TSPO: variants seen among roughly 807,000 people sequenced by gnomAD.
TSPO encodes the protein translocator protein, also known as benzodiazepine peripheral binding site.
A neutral mutation model predicts 13.9 loss-of-function variants in TSPO; 14 were observed. The observed-to-expected ratio is 1.01, with a 90% CI of 0.67 to 1.58. The LOEUF (loss-of-function observed/expected upper bound fraction) is 1.58, where lower values mean the gene tolerates loss of function less well. Ranked by LOEUF, TSPO falls within the 40% of genes most tolerant of loss-of-function variation. The pLI, the probability that TSPO is intolerant of heterozygous loss-of-function variation, is 0.00. For synonymous variants in TSPO, 114 were observed against 105.9 expected, an observed-to-expected ratio of 1.08 and a Z score of -0.47; for missense variants, 232 against 229.6, an observed-to-expected ratio of 1.01 and a Z score of -0.07.
chr22:43,159,346 C>T lies in TSPO; in HGVS notation c.108C>T (p.Gly36=), dbSNP rs1264749375. 10 of 1,547,380 alleles carry T rather than the reference C, an allele frequency of 6.5e-6. No homozygotes were observed. Among genetic ancestry groups the T allele is most frequent in the Non-Finnish European group, 8.7e-6 (10 of 1,146,300 alleles). Residue 36 remains glycine (G), a synonymous_variant, in exon 2 of 4, where the codon GGC becomes GGT. Transcript: ENST00000337554. The part of the protein sequence containing the change: ...VHGEGLRWYA[G]LQKPSWHPPH... ...GCGAGGGTCTCCGCTGGTACGCCGGCCTGCAGAAGCCCTCGTGGCACCCGC... is the reference window on the plus strand; with the variant it reads ...GCGAGGGTCTCCGCTGGTACGCCGGTCTGCAGAAGCCCTCGTGGCACCCGC...
chr22:43,162,820 G>A lies in TSPO; in HGVS notation c.339G>A (p.Leu113=), dbSNP rs759540587. The change falls in exon 4 of 4, where the codon CTG becomes CTA. Residue 113 remains leucine (L), a synonymous_variant. Coordinates refer to ENST00000337554, the MANE Select transcript of TSPO (RefSeq NM_000714.6). ...RQMGWALVDL[L]LVSGAAAATT... Reference sequence around the variant, plus strand: ...CTCTGCAGGCCTTGGTGGATCTCCTGCTGGTCAGTGGGGCGGCGGCAGCCA... The same window carrying A: ...CTCTGCAGGCCTTGGTGGATCTCCTACTGGTCAGTGGGGCGGCGGCAGCCA... The A allele has an allele frequency of 6.3e-7, 1 of 1,586,286 alleles. No individual in the cohort carries two copies. The highest frequency in any genetic ancestry group is 1.8e-5 in the Admixed American group (1 of 56,408).
At chr22:43,155,066 G>GA (rs1265010931) in intron 1 of TSPO, among the ~76,000 whole-genome samples, 7 of 152,252 alleles carry the variant, frequency 4.6e-5, no homozygotes, top group African/African-American at 1.7e-4. Flanking sequence ...CACAACTCCT[G>GA]GCAAGTGGTC....
At chr22:43,154,677 A>T (rs1377524526) in intron 1 of TSPO, among the ~76,000 whole-genome samples, 2 of 151,980 alleles carry the variant, frequency 1.3e-5, no homozygotes, top group African/African-American at 2.4e-5. Flanking sequence ...ACCTATAGGG[A>T]GGTCTCCAAG....
At position 43,162,899 on chromosome 22, in the gene TSPO, T is replaced by C; in HGVS notation, c.418T>C (p.Tyr140His). ...GCTGGCCGCCCGCCTGCTCTACCCC[T>C]ACCTGGCCTGGCTGGCCTTCACGAC... is the stretch of plus-strand genomic sequence containing the variant. ...SPLAARLLYPYLAWLAFTTTL... is the reference protein window; with the variant it reads ...SPLAARLLYPHLAWLAFTTTL... The change falls in exon 4 of 4, where the codon TAC becomes CAC. Residue 140 changes from tyrosine (Y) to histidine (H), a missense_variant. Transcript: ENST00000337554. 1 of 1,588,666 alleles carries C rather than the reference T, an allele frequency of 6.3e-7. No individual in the cohort carries two copies. The highest frequency in any genetic ancestry group is 2.3e-5 in the East Asian group (1 of 43,468).
chr22:43,152,582 G>A (rs973757923), intron 1 of TSPO, among the ~76,000 whole-genome samples: 1 of 152,264 alleles, frequency 6.6e-6, no homozygotes, highest in East Asian at 1.9e-4. Flanking sequence ...GGTTTCCACT[G>A]GCGGTGAAAG....
chr22:43,151,680 G>A (rs1311730935), intron 1 of TSPO, 76 bp downstream of exon 1: 1 of 152,358 alleles, frequency 6.6e-6, no homozygotes, highest in Non-Finnish European at 1.5e-5. Flanking sequence ...CAGCGCCGCG[G>A]GACAGAGGGA....
chr22:43,161,939 C>T (rs951652778), intron 3 of TSPO, among the ~76,000 whole-genome samples: 3 of 151,862 alleles, frequency 2.0e-5, no homozygotes, highest in Middle Eastern at 3.4e-3. Context: ...CTCCAGGTCA[C>T]GTCACTGTGC....
chr22:43,162,607 C>A (rs1393511611), intron 3 of TSPO, among the ~76,000 whole-genome samples, 196 bp from the exon 4 acceptor site: 1 of 152,210 alleles, frequency 6.6e-6, no homozygotes, highest in Non-Finnish European at 1.5e-5. Flanking sequence ...GGTCAGGTGG[C>A]ATGACTGTTC....
intron 1 of TSPO, among the ~76,000 whole-genome samples, chr22:43,154,827 G>C (rs557263615): frequency 4.6e-5 from 7 of 152,256 alleles, no homozygotes; most frequent in African/African-American, 1.7e-4. Flanking sequence ...AAGACCTGGA[G>C]ACCCTGGGTC....
At chr22:43,159,166 A>G (rs1931348027) in intron 1 of TSPO, 44 bp from the exon 2 acceptor site, 4 of 1,403,882 alleles carry the variant, frequency 2.8e-6, no homozygotes, top group African/African-American at 1.5e-5. Context: ...GCCTGACCCC[A>G]TGGCCTCAGG....
At chr22:43,156,492 G>T (rs9333323) in intron 1 of TSPO, among the ~76,000 whole-genome samples, 2,839 of 149,982 alleles carry the variant, frequency 0.019, 94 homozygotes, top group African/African-American at 0.066. Flanking sequence ...CAAATGTCCA[G>T]GATGGGCAAG....
chr22:43,160,066 C>G (rs1207026108), intron 2 of TSPO, among the ~76,000 whole-genome samples: 3 of 152,210 alleles, frequency 2.0e-5, no homozygotes. Context: ...GGTGGGGACG[C>G]AGGTGCCAGG....
chr22:43,162,763 G>T, intron 3 of TSPO, 40 bp from the exon 4 acceptor site: 1 of 1,501,472 alleles, frequency 6.7e-7, no homozygotes, highest in Non-Finnish European at 8.9e-7. Flanking sequence ...TGAACGCGGT[G>T]CCTCAGGCCT....
rs1931073209 is a variant in TSPO, at chr22:43,151,619, G to A, written c.-30+15G>A. ...CCTCGCCGCTGGTGAGTGAGGACGG[G>A]ACGCGGAGGGGGCAGCGGGAAGTGG... is the stretch of plus-strand genomic sequence containing the variant. On this transcript the variant is annotated intron_variant, in intron 1 of 3. Coordinates refer to ENST00000337554, the MANE Select transcript of TSPO (RefSeq NM_000714.6). The A allele has an allele frequency of 6.6e-6, 1 of 152,324 alleles. No individual in the cohort carries two copies. Among genetic ancestry groups the A allele is most frequent in the Non-Finnish European group, 1.5e-5 (1 of 68,100 alleles). The allele number at this position is 152,324 out of a possible 1,614,324, so 9.4% of individuals were successfully genotyped here.
Position 43,154,016 on chromosome 22 carries a change from T to C in TSPO, c.-30+2412T>C, listed in dbSNP as rs113013284. On this transcript the variant is annotated intron_variant, in intron 1 of 3. Coordinates refer to ENST00000337554, the MANE Select transcript of TSPO (RefSeq NM_000714.6). ...CCCCGAACCTCGAAGGAAAGGGAAGTAGTCTTTCTTAACAGAACCAATTCC... is the reference window on the plus strand; with the variant it reads ...CCCCGAACCTCGAAGGAAAGGGAAGCAGTCTTTCTTAACAGAACCAATTCC... Among the ~76,000 whole-genome samples the C allele has an allele frequency of 2.1e-4, 32 of 152,276 alleles. 3 individuals carry two copies. Among genetic ancestry groups the C allele is most frequent in the African/African-American group, 7.5e-4 (31 of 41,554 alleles).
intron 1 of TSPO, among the ~76,000 whole-genome samples, chr22:43,156,532 C>A (rs1193584485): frequency 1.4e-5 from 2 of 145,302 alleles, no homozygotes; most frequent in African/African-American, 5.1e-5. Flanking sequence ...TTGCTGGCGG[C>A]CAGGGGTGGG....
chr22:43,159,904 G>A (rs1306672376), intron 2 of TSPO, among the ~76,000 whole-genome samples: 1 of 152,174 alleles, frequency 6.6e-6, no homozygotes, highest in Non-Finnish European at 1.5e-5. Context: ...AGTCCCCTGG[G>A]AATAGACCAG....
chr22:43,161,879 C>T (rs1263034676), intron 3 of TSPO, among the ~76,000 whole-genome samples: 1 of 152,084 alleles, frequency 6.6e-6, no homozygotes, highest in Non-Finnish European at 1.5e-5. Context: ...ACTCGACTTC[C>T]TGGGCTCAAA....
At chr22:43,160,994 T>C in intron 2 of TSPO, 58 bp from the exon 3 acceptor site, 1 of 1,558,980 alleles carries the variant, frequency 6.4e-7, no homozygotes, top group Non-Finnish European at 8.7e-7. Flanking sequence ...CACTCGGAGG[T>C]GGGCAACGCT....
Sources: allele counts gnomAD v4.1 joint callset (sites outside exome capture counted in the v4.1 genomes callset), GRCh38; gene constraint gnomAD v4.1.1; transcripts MANE v1.5; gene names NCBI Gene and HGNC (gene_info 2026-07-23, HGNC 2026-07-21).